The following ADCK1 variants were observed in gnomAD, a reference collection of about 807,000 sequenced individuals.
The protein encoded by ADCK1 is aarF domain-containing protein kinase 1.
Under a neutral mutation model 52.3 loss-of-function variants are expected in ADCK1, and 41 were observed. The ratio of observed to expected loss-of-function variants is 0.78; its 90% CI spans 0.61 to 1.02. ADCK1 has a LOEUF of 1.02. Ranked by LOEUF, ADCK1 falls within the 50% of genes least tolerant of loss-of-function variation. ADCK1 has a pLI of 0.00. For synonymous variants in ADCK1, 250 were observed against 274.6 expected (o/e 0.91, Z 0.89); for missense variants, 658 against 679.5 (o/e 0.97, Z 0.35).
chr14:77,883,366 G>A (rs1350659935), intron 4 of ADCK1, among the ~76,000 whole-genome samples: 3 of 145,048 alleles, frequency 2.1e-5, no homozygotes, highest in African/African-American at 7.5e-5. Flanking sequence ...GGGGGACGAG[G>A]CCTGATTGGA....
chr14:77,925,365 A>G (rs899097548), intron 8 of ADCK1, among the ~76,000 whole-genome samples: 1 of 152,312 alleles, frequency 6.6e-6, no homozygotes, highest in Admixed American at 6.5e-5. Context: ...TGGTGCTGGC[A>G]GCTGGCGGCA....
chr14:77,802,797 C>CA (rs1192761652), intron 1 of ADCK1, among the ~76,000 whole-genome samples: 2 of 151,872 alleles, frequency 1.3e-5, no homozygotes, highest in Non-Finnish European at 2.9e-5. Context: ...AAAAAAAATA[C>CA]AAAAAAATTA....
chr14:77,884,451 T>C (rs1236214220), intron 4 of ADCK1, among the ~76,000 whole-genome samples: 1 of 152,192 alleles, frequency 6.6e-6, no homozygotes, highest in Non-Finnish European at 1.5e-5. Context: ...AACTCACATT[T>C]ACTGGGTCTT....
chr14:77,921,443 T>C (rs1360750293), intron 7 of ADCK1, among the ~76,000 whole-genome samples: 1 of 151,936 alleles, frequency 6.6e-6, no homozygotes, highest in East Asian at 1.9e-4. Context: ...ATTTTGACAT[T>C]GAATCTCAAG....
intron 1 of ADCK1, among the ~76,000 whole-genome samples, chr14:77,813,927 C>G (rs1477926473): frequency 6.6e-6 from 1 of 151,860 alleles, no homozygotes; most frequent in African/African-American, 2.4e-5. Context: ...GCCACAACAC[C>G]CGGCTAACTT....
intron 3 of ADCK1, among the ~76,000 whole-genome samples, chr14:77,852,675 A>ATATATATATTT: frequency 4.7e-5 from 2 of 42,126 alleles, no homozygotes; most frequent in African/African-American, 1.7e-4. Flanking sequence ...ATATATATAT[A>ATATATATATTT]TATATATATA....
chr14:77,920,828 T>C (rs1260832827), intron 7 of ADCK1, among the ~76,000 whole-genome samples: 1 of 152,036 alleles, frequency 6.6e-6, no homozygotes, highest in Non-Finnish European at 1.5e-5. Context: ...TTTTTAATTT[T>C]CTGTAGAGAT....
chr14:77,822,262 T>A (rs2081598892), intron 2 of ADCK1, among the ~76,000 whole-genome samples, 173 bp from the exon 3 acceptor site: 1 of 152,134 alleles, frequency 6.6e-6, no homozygotes, highest in East Asian at 1.9e-4. Flanking sequence ...GAGTCCTGAA[T>A]AACAGGAGGA....
intron 1 of ADCK1, among the ~76,000 whole-genome samples, chr14:77,803,861 T>C (rs543838802): frequency 6.6e-6 from 1 of 152,294 alleles, no homozygotes; most frequent in Admixed American, 6.5e-5. Flanking sequence ...TCAAAGACGT[T>C]ACCTGTCATA....
Position 77,818,993 on chromosome 14 carries a change from T to C in ADCK1, c.15T>C (p.Ala5=), listed in dbSNP as rs2140029112. 6.2e-7 allele frequency: 1 copy of C among 1,614,206 alleles called. No homozygotes were observed. The highest frequency in any genetic ancestry group is 1.3e-5 in the African/African-American group (1 of 75,072). MARK[A]LKLASWTSMA... ...GATCTGGCGACATGGCCAGAAAGGC[T>C]CTCAAGCTTGCTTCGTGGACCAGCA... Residue 5 remains alanine, a synonymous_variant, in exon 2 of 11, where the codon GCT becomes GCC. Transcript: ENST00000238561.
chr14:77,881,525 T>G (rs1320258014), intron 4 of ADCK1, among the ~76,000 whole-genome samples: 1 of 152,230 alleles, frequency 6.6e-6, no homozygotes, highest in Non-Finnish European at 1.5e-5. Context: ...TAAAAAATTA[T>G]GGACATGTTT....
At chr14:77,914,287 G>A (rs1335331991) in intron 7 of ADCK1, 1 of 423,150 alleles carries the variant, frequency 2.4e-6, no homozygotes, top group Non-Finnish European at 3.2e-6. Flanking sequence ...GTTGTGGTGG[G>A]GTCTTTGCCT....
chr14:77,872,770 G>T (rs1188963373), intron 4 of ADCK1, among the ~76,000 whole-genome samples: 2 of 151,796 alleles, frequency 1.3e-5, no homozygotes, highest in Non-Finnish European at 2.9e-5. Context: ...CACCTCCCGG[G>T]TTCAAGTCAT....
intron 3 of ADCK1, among the ~76,000 whole-genome samples, chr14:77,857,218 T>C (rs3783971): frequency 0.66 from 100,777 of 151,678 alleles, 34,358 homozygotes; most frequent in Middle Eastern, 0.83. Context: ...GAGGCCGAGG[T>C]GGGTGGATTG....
chr14:77,871,687 G>T (rs1277555742), intron 4 of ADCK1, among the ~76,000 whole-genome samples: 3 of 152,162 alleles, frequency 2.0e-5, no homozygotes, highest in Admixed American at 1.3e-4. Flanking sequence ...AGACTTGGAA[G>T]TCCCAGGGAG....
At chr14:77,897,740 A>G (rs1421327202) in intron 5 of ADCK1, among the ~76,000 whole-genome samples, 4 of 152,242 alleles carry the variant, frequency 2.6e-5, no homozygotes, top group Admixed American at 1.3e-4. Flanking sequence ...AAATAGTATT[A>G]TAAATGTTCA....
At chr14:77,919,442 G>A (rs2083999021) in intron 7 of ADCK1, among the ~76,000 whole-genome samples, 1 of 152,166 alleles carries the variant, frequency 6.6e-6, no homozygotes, top group African/African-American at 2.4e-5. Flanking sequence ...TGGCTGAGTG[G>A]TACTCCATGG....
intron 5 of ADCK1, among the ~76,000 whole-genome samples, chr14:77,894,736 G>GTT: frequency 3.8e-4 from 14 of 36,478 alleles, no homozygotes; most frequent in East Asian, 2.1e-3. Context: ...TTCTTTTCTT[G>GTT]TTTTTTTTTT....
intron 1 of ADCK1, among the ~76,000 whole-genome samples, chr14:77,815,012 G>A (rs923988314): frequency 2.0e-5 from 3 of 149,830 alleles, no homozygotes; most frequent in Non-Finnish European, 3.0e-5. Context: ...TCAGCCTCCC[G>A]AGTAGCTGGG....
Sources: gnomAD v4.1 joint callset for allele counts (sites outside exome capture counted in the v4.1 genomes callset) on GRCh38, gnomAD v4.1.1 for gene constraint, MANE v1.5 for transcripts, NCBI Gene and HGNC (gene_info 2026-07-23, HGNC 2026-07-21) for gene names.